The following STAU2 variants were observed in gnomAD, a reference collection of about 807,000 sequenced individuals.
STAU2 encodes double-stranded RNA-binding protein Staufen homolog 2.
A neutral mutation model predicts 65.9 loss-of-function variants in STAU2; 20 were observed. The observed-to-expected ratio is 0.30, with a 90% CI of 0.21 to 0.44. STAU2 has a LOEUF of 0.44. STAU2 is among the 20% of genes least tolerant of loss of function. The pLI is 1.00. For missense variants in STAU2, 558 were observed against 683.9 expected, an observed-to-expected ratio of 0.82 and a Z score of 2.05; for synonymous variants, 232 against 233.9, an observed-to-expected ratio of 0.99 and a Z score of 0.07.
chr8:73,656,830 T>C (rs1816412278), intron 6 of STAU2, among the ~76,000 whole-genome samples: 1 of 152,122 alleles, frequency 6.6e-6, no homozygotes, highest in Non-Finnish European at 1.5e-5. Context: ...ATTTGTCTCA[T>C]AAAACAAGGC....
chr8:73,659,086 C>G (rs1313400805), intron 6 of STAU2, among the ~76,000 whole-genome samples: 1 of 152,080 alleles, frequency 6.6e-6, no homozygotes, highest in Non-Finnish European at 1.5e-5. Flanking sequence ...TGGTGGATAA[C>G]GTTTTTTGAT....
chr8:73,685,156 T>C (rs1241325390), intron 5 of STAU2, among the ~76,000 whole-genome samples: 1 of 152,126 alleles, frequency 6.6e-6, no homozygotes, highest in Non-Finnish European at 1.5e-5. Context: ...CCATTCACCT[T>C]TAACCATGAC....
At chr8:73,619,203 T>C (rs1376301305) in intron 6 of STAU2, among the ~76,000 whole-genome samples, 2 of 152,054 alleles carry the variant, frequency 1.3e-5, no homozygotes, top group South Asian at 2.1e-4. Flanking sequence ...ATGTCCTTCC[T>C]GAAAGTCAAA....
chr8:73,499,504 G>A (rs752155712), intron 13 of STAU2, among the ~76,000 whole-genome samples: 3 of 151,830 alleles, frequency 2.0e-5, no homozygotes, highest in Non-Finnish European at 4.4e-5. Context: ...AGGCAATCCT[G>A]CAGAAAAGGC....
intron 12 of STAU2, among the ~76,000 whole-genome samples, chr8:73,564,628 C>G (rs920091855): frequency 6.6e-6 from 1 of 151,844 alleles, no homozygotes; most frequent in Non-Finnish European, 1.5e-5. Flanking sequence ...ACCTACATAA[C>G]AAACCTGCAT....
intron 11 of STAU2, among the ~76,000 whole-genome samples, chr8:73,586,303 T>C (rs1368649109): frequency 6.6e-6 from 1 of 152,180 alleles, no homozygotes; most frequent in Non-Finnish European, 1.5e-5. Flanking sequence ...CATTTAAAGA[T>C]GAATCCTGGA....
chr8:73,525,673 G>A (rs1219752065), intron 13 of STAU2, among the ~76,000 whole-genome samples: 1 of 152,200 alleles, frequency 6.6e-6, no homozygotes, highest in African/African-American at 2.4e-5. Context: ...TGAACAGTGG[G>A]TTGCTCTTTT....
chr8:73,585,908 T>C (rs892323317), intron 11 of STAU2, among the ~76,000 whole-genome samples: 2 of 152,234 alleles, frequency 1.3e-5, no homozygotes, highest in Admixed American at 1.3e-4. Context: ...TGACAAGATC[T>C]GATGGCTTTA....
chr8:73,666,011 C>G (rs548863020), intron 6 of STAU2, among the ~76,000 whole-genome samples: 1 of 152,144 alleles, frequency 6.6e-6, no homozygotes, highest in Non-Finnish European at 1.5e-5. Context: ...ATGTTCAATA[C>G]AGATGCAACC....
chr8:73,556,966 G>A (rs1242356876), intron 12 of STAU2, among the ~76,000 whole-genome samples: 1 of 152,110 alleles, frequency 6.6e-6, no homozygotes, highest in Non-Finnish European at 1.5e-5. Flanking sequence ...TTGACAAATG[G>A]AGTGTCATAT....
At chr8:73,747,108 C>A (rs1304284423), upstream of STAU2, among the ~76,000 whole-genome samples, 2 of 151,794 alleles carry the variant, frequency 1.3e-5, no homozygotes, top group Admixed American at 6.6e-5. Flanking sequence ...GGCTGCCGGG[C>A]CCCAGCAGCT....
At chr8:73,746,982 G>T, upstream of STAU2, 2 of 540,134 alleles carry the variant, frequency 3.7e-6, no homozygotes, top group Non-Finnish European at 4.7e-6. Context: ...CCGCTCCCGC[G>T]CCCCAGCACG....
intron 13 of STAU2, chr8:73,440,829 A>T (rs1413963496): frequency 6.6e-6 from 1 of 152,362 alleles, no homozygotes; most frequent in East Asian, 1.9e-4. Flanking sequence ...AAAGCCCTAC[A>T]TGATCCTGCC....
At chr8:73,703,141 C>A (rs950795309) in intron 4 of STAU2, among the ~76,000 whole-genome samples, 3 of 152,110 alleles carry the variant, frequency 2.0e-5, no homozygotes, top group Non-Finnish European at 4.4e-5. Context: ...GGATTGTAAT[C>A]CCCAATGTTG....
intron 4 of STAU2, among the ~76,000 whole-genome samples, chr8:73,701,353 A>T (rs982167131): frequency 3.3e-5 from 5 of 152,208 alleles, no homozygotes; most frequent in Non-Finnish European, 7.4e-5. Flanking sequence ...ACAGAATGGG[A>T]GAGAAATATG....
At chr8:73,521,459 T>C (rs975002631) in intron 13 of STAU2, among the ~76,000 whole-genome samples, 1 of 152,230 alleles carries the variant, frequency 6.6e-6, no homozygotes, top group Non-Finnish European at 1.5e-5. Context: ...TATGTATATG[T>C]ATGTATACGG....
At chr8:73,570,016 T>C (rs542839519) in intron 12 of STAU2, among the ~76,000 whole-genome samples, 4 of 152,256 alleles carry the variant, frequency 2.6e-5, no homozygotes, top group African/African-American at 9.6e-5. Context: ...AACAAACTTC[T>C]CCAAGCTAAA....
At chr8:73,483,697 A>T (rs949719803) in intron 13 of STAU2, among the ~76,000 whole-genome samples, 4 of 152,160 alleles carry the variant, frequency 2.6e-5, no homozygotes, top group Non-Finnish European at 1.5e-5. Flanking sequence ...AAGTTGGCAC[A>T]ACGAGAAGCC....
chr8:73,516,835 T>C (rs1822754132), intron 13 of STAU2, among the ~76,000 whole-genome samples: 1 of 152,196 alleles, frequency 6.6e-6, no homozygotes, highest in Non-Finnish European at 1.5e-5. Context: ...TAGGGAACTA[T>C]ATTCCATTGA....
Sources: gnomAD v4.1 joint callset for allele counts (sites outside exome capture counted in the v4.1 genomes callset) on GRCh38, gnomAD v4.1.1 for gene constraint, MANE v1.5 for transcripts, NCBI Gene and HGNC (gene_info 2026-07-23, HGNC 2026-07-21) for gene names.